Variants in DENND5B observed in about 807,000 individuals in gnomAD.
DENND5B encodes the protein DENN domain containing 5B.
A neutral mutation model predicts 140.6 loss-of-function variants in DENND5B; 34 were observed. That is an observed-to-expected ratio of 0.24 (90% CI 0.18 to 0.32). The LOEUF is 0.32. DENND5B is among the 10% of genes least tolerant of loss of function. The pLI, the probability that DENND5B is intolerant of heterozygous loss-of-function variation, is 1.00. For missense variants in DENND5B, 1,142 were observed against 1,560.2 expected (o/e 0.73, Z 4.52); for synonymous variants, 551 against 562.1 (o/e 0.98, Z 0.28).
At position 31,442,749 on chromosome 12, in the gene DENND5B, ACTACTC is replaced by A; in HGVS notation, c.2012+20_2012+25del. ...CACCCTTCATTCATTCCTTCAACCA[ACTACTC>A]AAGTGAAGAACATGCTTACTTGTTA... On this transcript the variant is annotated intron_variant, in intron 7 of 20. Transcript: ENST00000389082. The A allele has an allele frequency of 6.2e-7, 1 of 1,604,738 alleles. No individual in the cohort carries two copies. Among genetic ancestry groups the A allele is most frequent in the Non-Finnish European group, 8.5e-7 (1 of 1,174,408 alleles).
chr12:31,426,504 G>C (rs1391623967), intron 8 of DENND5B, 80 bp from the exon 9 acceptor site: 9 of 1,470,416 alleles, frequency 6.1e-6, no homozygotes, highest in Non-Finnish European at 5.4e-6. Flanking sequence ...AACAAGTGCA[G>C]AGACAAATGA....
At chr12:31,468,136 C>A (rs1945364774) in intron 3 of DENND5B, among the ~76,000 whole-genome samples, 1 of 152,000 alleles carries the variant, frequency 6.6e-6, no homozygotes, top group Admixed American at 6.6e-5. Context: ...CACCTGTAGT[C>A]CCAGCTACAA....
chr12:31,541,292 GA>G (rs1948674513), intron 1 of DENND5B, among the ~76,000 whole-genome samples: 1 of 152,038 alleles, frequency 6.6e-6, no homozygotes, highest in Non-Finnish European at 1.5e-5. Flanking sequence ...AAAATATTTT[GA>G]AACTACCCAT....
chr12:31,396,009 A>T (rs1355862120), intron 17 of DENND5B, among the ~76,000 whole-genome samples: 1 of 147,790 alleles, frequency 6.8e-6, no homozygotes. Context: ...CTAGGGGAAA[A>T]TCCCTTCCTT....
intron 1 of DENND5B, among the ~76,000 whole-genome samples, chr12:31,557,814 C>CAAAA (rs71445804): frequency 1.2e-5 from 1 of 80,972 alleles, no homozygotes; most frequent in African/African-American, 4.5e-5. Flanking sequence ...GCTGTGGTGG[C>CAAAA]AAAAAAAAAA....
chr12:31,532,278 G>A (rs146754485), intron 1 of DENND5B, among the ~76,000 whole-genome samples: 166 of 152,326 alleles, frequency 1.1e-3, no homozygotes, highest in African/African-American at 3.5e-3. Flanking sequence ...GGGGGATAGG[G>A]GGAGTAGGTA....
chr12:31,447,695 G>A lies in DENND5B; in HGVS notation c.1704C>T (p.Ala568=), dbSNP rs888548799. The part of the protein sequence containing the change: ...LSRFIETQMF[A]TFIDNKIMSQ... Reference sequence around the variant, plus strand: ...ACATAATTTTATTATCAATAAAGGTGGCAAACATCTGTGTTTCAATGAAGC... The same window carrying A: ...ACATAATTTTATTATCAATAAAGGTAGCAAACATCTGTGTTTCAATGAAGC... Residue 568 remains alanine, a synonymous_variant, in exon 6 of 21, where the codon GCC becomes GCT. Transcript: ENST00000389082. 3.1e-6 allele frequency: 5 copies of A among 1,612,472 alleles called. No individual in the cohort carries two copies. The African/African-American group carries it at 5.3e-5, about 17-fold the overall frequency.
intron 2 of DENND5B, among the ~76,000 whole-genome samples, chr12:31,488,254 T>C (rs1420505187): frequency 6.6e-6 from 1 of 151,852 alleles, no homozygotes; most frequent in Non-Finnish European, 1.5e-5. Context: ...GGGATTACAG[T>C]GTGAGCCACA....
chr12:31,531,793 G>T (rs1948296100), intron 1 of DENND5B, among the ~76,000 whole-genome samples: 1 of 152,138 alleles, frequency 6.6e-6, no homozygotes, highest in Non-Finnish European at 1.5e-5. Context: ...AGCAGAAACT[G>T]AGCTTATATC....
intron 1 of DENND5B, among the ~76,000 whole-genome samples, chr12:31,568,166 G>A (rs1949694594): frequency 6.6e-6 from 1 of 152,172 alleles, no homozygotes; most frequent in South Asian, 2.1e-4. Context: ...GAACTAATGT[G>A]ATGGGTACAC....
intron 1 of DENND5B, among the ~76,000 whole-genome samples, chr12:31,509,232 A>G (rs1947317622): frequency 6.6e-6 from 1 of 152,182 alleles, no homozygotes; most frequent in Non-Finnish European, 1.5e-5. Flanking sequence ...TTACACAACC[A>G]AGCTCATTTT....
rs113232874 is a variant in DENND5B at position 31,563,171 on chromosome 12, T to C, written c.127+27535A>G. Reference sequence around the variant, plus strand: ...CACCTTGCAAAGCCAAAGCAGACAATGGAGTCAAAGCTAAAAGAAGAGAAG... The same window carrying C: ...CACCTTGCAAAGCCAAAGCAGACAACGGAGTCAAAGCTAAAAGAAGAGAAG... On this transcript the variant is annotated intron_variant, in intron 1 of 20. Coordinates refer to ENST00000389082, the MANE Select transcript of DENND5B (RefSeq NM_144973.4). 1.5e-3 allele frequency among the ~76,000 whole-genome samples: 232 copies of C among 152,168 alleles called. 1 individual carries two copies. Among genetic ancestry groups the C allele is most frequent in the African/African-American group, 5.1e-3 (212 of 41,536 alleles).
chr12:31,557,185 C>A (rs1255570087), intron 1 of DENND5B, among the ~76,000 whole-genome samples: 1 of 151,878 alleles, frequency 6.6e-6, no homozygotes, highest in Non-Finnish European at 1.5e-5. Flanking sequence ...ATATTAAAAT[C>A]AAACAATATA....
rs1373064876 is a variant in DENND5B at position 31,556,143 on chromosome 12, G to A, written c.127+34563C>T. Reference sequence around the variant, plus strand: ...AATACAGAAATCACCCGTCTTCTGCGTTGCTCACAATGGGAGCTGTAGACT... The same window carrying A: ...AATACAGAAATCACCCGTCTTCTGCATTGCTCACAATGGGAGCTGTAGACT... On this transcript the variant is annotated intron_variant, in intron 1 of 20. Coordinates refer to ENST00000389082, the MANE Select transcript of DENND5B (RefSeq NM_144973.4). Among the ~76,000 whole-genome samples the A allele has an allele frequency of 3.3e-5, 5 of 152,170 alleles. No homozygotes were observed. The South Asian group carries it at 6.2e-4, about 19-fold the overall frequency.
At chr12:31,424,434 A>C in intron 10 of DENND5B, 101 bp downstream of exon 10, 1 of 1,382,692 alleles carries the variant, frequency 7.2e-7, no homozygotes, top group South Asian at 1.7e-5. Context: ...CCCTTGTGAC[A>C]AAAGAGCCTA....
At chr12:31,486,030 G>A (rs998465912) in intron 2 of DENND5B, among the ~76,000 whole-genome samples, 4 of 152,248 alleles carry the variant, frequency 2.6e-5, no homozygotes, top group Non-Finnish European at 5.9e-5. Flanking sequence ...TGTAGGCTAA[G>A]TAATGATTTT....
intron 1 of DENND5B, chr12:31,540,933 G>A: frequency 2.3e-6 from 1 of 437,882 alleles, no homozygotes; most frequent in Non-Finnish European, 4.5e-6. Context: ...AGACAAAGGT[G>A]CCGAGAACAT....
intron 17 of DENND5B, among the ~76,000 whole-genome samples, chr12:31,395,737 G>A (rs1300107339): frequency 1.3e-5 from 2 of 152,094 alleles, no homozygotes; most frequent in South Asian, 2.1e-4. Flanking sequence ...AGGTACCTTT[G>A]TTATTCTACT....
chr12:31,408,033 CA>C (rs1942227106), intron 14 of DENND5B, among the ~76,000 whole-genome samples: 1 of 152,222 alleles, frequency 6.6e-6, no homozygotes, highest in Admixed American at 6.5e-5. Context: ...CAGTGGCTCA[CA>C]CCTGTAATCC....
Sources: allele counts gnomAD v4.1 joint callset (sites outside exome capture counted in the v4.1 genomes callset), GRCh38; gene constraint gnomAD v4.1.1; transcripts MANE v1.5; gene names NCBI Gene and HGNC (gene_info 2026-07-23, HGNC 2026-07-21).